PPP1R14C: variants seen among roughly 807,000 people sequenced by gnomAD.
PPP1R14C encodes the protein protein phosphatase 1 regulatory subunit 14C.
Under a neutral mutation model 20.4 loss-of-function variants are expected in PPP1R14C, and 16 were observed. That is an observed-to-expected ratio of 0.78 (90% confidence interval 0.53 to 1.19). PPP1R14C has a LOEUF of 1.19. Ranked by LOEUF, PPP1R14C falls within the 50% of genes most tolerant of loss-of-function variation. The pLI is 0.00. For missense variants in PPP1R14C, 211 were observed against 220.1 expected (o/e 0.96, Z 0.26); for synonymous variants, 91 against 91.0 (o/e 1.00, Z 0.00).
intron 1 of PPP1R14C, among the ~76,000 whole-genome samples, chr6:150,156,414 AC>A (rs1446888783): frequency 6.6e-6 from 1 of 152,252 alleles, no homozygotes; most frequent in African/African-American, 2.4e-5. Context: ...GTCCTTAGCT[AC>A]TGCCGCCAAT....
At chr6:150,217,398 G>A (rs1427627966) in intron 3 of PPP1R14C, among the ~76,000 whole-genome samples, 1 of 152,016 alleles carries the variant, frequency 6.6e-6, no homozygotes, top group Non-Finnish European at 1.5e-5. Context: ...GTTTCACCAT[G>A]TTGGCCAGGC....
chr6:150,231,921 T>C (rs1337838779), intron 3 of PPP1R14C, among the ~76,000 whole-genome samples: 1 of 152,242 alleles, frequency 6.6e-6, no homozygotes, highest in Admixed American at 6.5e-5. Context: ...TTTTTCATTA[T>C]TATGAACAGT....
In PPP1R14C at chr6:150,219,869, T is replaced by C. The variant is rs559024581; in HGVS notation, c.423+3013T>C. ...ATAAGAACGGCTTGTTTTTTTGTTG[T>C]TTTTGAACAGAGTCTTGCTCTGTCA... On this transcript the variant is annotated intron_variant, in intron 3 of 3. Transcript: ENST00000361131. 7.4e-4 allele frequency among the ~76,000 whole-genome samples: 113 copies of C among 152,010 alleles called. 1 individual carries two copies. Among genetic ancestry groups the C allele is most frequent in the Non-Finnish European group, 1.1e-3 (74 of 67,972 alleles).
intron 1 of PPP1R14C, among the ~76,000 whole-genome samples, chr6:150,204,402 A>T (rs919684576): frequency 7.2e-5 from 11 of 151,942 alleles, no homozygotes; most frequent in African/African-American, 2.7e-4. Flanking sequence ...TTTCTCTTTG[A>T]ATGCTGTGGT....
At position 150,195,248 on chromosome 6, in the gene PPP1R14C, G is replaced by C. The variant is rs1438850022; in HGVS notation, c.307-19496G>C. ...AAATTGCAGTATATGTGTGTGTGTG[G>C]ATACCATGTTATACATGGGGGCTAA... is the stretch of plus-strand genomic sequence containing the variant. On this transcript the variant is annotated intron_variant, in intron 1 of 3. Transcript: ENST00000361131. The C allele has an allele frequency of 3.9e-6, 3 of 759,818 alleles. No individual in the cohort carries two copies. In the East Asian group the frequency reaches 4.0e-4, roughly 101 times the overall value. The allele number at this position is 759,818 out of a possible 1,614,324, so 47.1% of individuals were successfully genotyped here. A position where few individuals can be genotyped will look rare whatever the true frequency, so the allele number is the denominator to read the frequency against.
intron 1 of PPP1R14C, among the ~76,000 whole-genome samples, chr6:150,182,277 C>A (rs1777630734): frequency 6.6e-6 from 1 of 152,208 alleles, no homozygotes; most frequent in African/African-American, 2.4e-5. Flanking sequence ...TTCAACCTCT[C>A]TGTTTTAATT....
chr6:150,224,286 C>T (rs992254177), intron 3 of PPP1R14C, among the ~76,000 whole-genome samples: 6 of 152,298 alleles, frequency 3.9e-5, no homozygotes, highest in African/African-American at 1.4e-4. Flanking sequence ...GTGAGTCCTC[C>T]ACCTTTATTT....
intron 1 of PPP1R14C, among the ~76,000 whole-genome samples, chr6:150,154,405 C>T (rs926488948): frequency 3.3e-5 from 5 of 152,206 alleles, no homozygotes; most frequent in Non-Finnish European, 5.9e-5. Flanking sequence ...AGTCGGGCCA[C>T]CGCTGACCAG....
At chr6:150,189,620 G>A (rs1777718694) in intron 1 of PPP1R14C, among the ~76,000 whole-genome samples, 1 of 151,688 alleles carries the variant, frequency 6.6e-6, no homozygotes, top group Admixed American at 6.6e-5. Flanking sequence ...CATCTTTTAT[G>A]TTGGAGGCTT....
rs373986485 is a variant in PPP1R14C, at chr6:150,143,304, A to G, written c.112A>G (p.Ser38Gly). The G allele has an allele frequency of 2.1e-4, 333 of 1,570,442 alleles. No individual in the cohort carries two copies. Among genetic ancestry groups the G allele is most frequent in the Non-Finnish European group, 2.7e-4 (317 of 1,162,840 alleles). ...GGAGGSPGSS[S>G]GSGSSREDSA... ...CGCCGGTGGCAGCCCCGGCTCCAGC[A>G]GCGGCTCAGGCTCCTCCCGGGAGGA... is the stretch of plus-strand genomic sequence containing the variant. Residue 38 changes from serine (S) to glycine (G), a missense_variant, in exon 1 of 4, where the codon AGC becomes GGC. Physicochemically the swap from Ser to Gly is moderately conservative, Grantham distance 56. Transcript: ENST00000361131. The surrounding 1 kb of genome is among the most constrained non-coding windows in gnomAD (Gnocchi z 5.6).
intron 3 of PPP1R14C, among the ~76,000 whole-genome samples, chr6:150,240,502 T>C (rs1042885944): frequency 1.3e-5 from 2 of 152,192 alleles, no homozygotes; most frequent in South Asian, 2.1e-4. Flanking sequence ...GGTTAGACCC[T>C]ATGTAAATGA....
intron 3 of PPP1R14C, among the ~76,000 whole-genome samples, chr6:150,224,243 T>C (rs147203488): frequency 6.9e-4 from 105 of 152,354 alleles, no homozygotes; most frequent in African/African-American, 2.5e-3. Context: ...GTCCTGATTA[T>C]TGTGGCTTCA....
intron 3 of PPP1R14C, among the ~76,000 whole-genome samples, chr6:150,237,105 C>G (rs1051434314): frequency 6.6e-6 from 1 of 150,920 alleles, no homozygotes; most frequent in African/African-American, 2.4e-5. Context: ...TACTTCTCCT[C>G]TGTCTTCAAT....
chr6:150,218,415 A>G (rs1326492222), intron 3 of PPP1R14C, among the ~76,000 whole-genome samples: 1 of 151,872 alleles, frequency 6.6e-6, no homozygotes, highest in Non-Finnish European at 1.5e-5. Flanking sequence ...AAAAAAAAAG[A>G]AAAAAGAAAA....
Position 150,143,386 on chromosome 6 carries a change from G to A in PPP1R14C, c.194G>A (p.Arg65Gln). Residue 65 changes from arginine (R) to glutamine (Q), a missense_variant, in exon 1 of 4, where the codon CGG becomes CAG. Coordinates refer to ENST00000361131, the MANE Select transcript of PPP1R14C (RefSeq NM_030949.3). The surrounding 1 kb of genome is among the most constrained non-coding windows in gnomAD (Gnocchi z 5.6). ...AAGQVQQQQQRRHQQGKVTVK... is the reference protein window; with the variant it reads ...AAGQVQQQQQQRHQQGKVTVK... The stretch of plus-strand genomic sequence containing the variant: ...GGGCAGGTTCAGCAGCAACAGCAGC[G>A]GCGACACCAGCAGGGAAAAGTGACA... 6.2e-7 allele frequency: 1 copy of A among 1,612,142 alleles called. No homozygotes were observed. Among genetic ancestry groups the A allele is most frequent in the Non-Finnish European group, 8.5e-7 (1 of 1,179,388 alleles).
chr6:150,236,071 C>T lies in PPP1R14C; in HGVS notation c.424-12675C>T, dbSNP rs924169504. Among the ~76,000 whole-genome samples, 30 of 152,286 alleles carry T rather than the reference C, an allele frequency of 2.0e-4. 1 individual carries two copies. The highest frequency in any genetic ancestry group is 3.4e-3 in the Middle Eastern group (1 of 294). The stretch of plus-strand genomic sequence containing the variant: ...AGCATGGTGCAAAGGGAATTGTGCC[C>T]TCCACCCCAGGGTGGTGATCATCCC... On this transcript the variant is annotated intron_variant, in intron 3 of 3. Transcript: ENST00000361131.
intron 1 of PPP1R14C, among the ~76,000 whole-genome samples, chr6:150,196,749 G>A (rs1334328615): frequency 6.6e-6 from 1 of 152,198 alleles, no homozygotes; most frequent in East Asian, 1.9e-4. Flanking sequence ...GATCTGATTT[G>A]AGTGTCTGTT....
intron 3 of PPP1R14C, among the ~76,000 whole-genome samples, chr6:150,237,429 C>T (rs1224359451): frequency 6.6e-6 from 1 of 152,072 alleles, no homozygotes; most frequent in Non-Finnish European, 1.5e-5. Context: ...TCTCGAACTC[C>T]CAACCTCAGG....
chr6:150,178,287 A>G (rs1470521599), intron 1 of PPP1R14C, among the ~76,000 whole-genome samples: 1 of 152,170 alleles, frequency 6.6e-6, no homozygotes, highest in African/African-American at 2.4e-5. Context: ...CCCACAACCT[A>G]GCCTGTGTAA....
Sources: allele counts gnomAD v4.1 joint callset (sites outside exome capture counted in the v4.1 genomes callset), GRCh38; gene constraint gnomAD v4.1.1; non-coding constraint Gnocchi (gnomAD v3.1); transcripts MANE v1.5; gene names NCBI Gene and HGNC (gene_info 2026-07-23, HGNC 2026-07-21).